FUBP3: variants seen among roughly 807,000 people sequenced by gnomAD.
The protein encoded by FUBP3 is far upstream element binding protein 3.
In FUBP3, 28 loss-of-function variants were observed where a neutral mutation model predicts 85.6. That is an observed-to-expected ratio of 0.33 (90% CI 0.24 to 0.45). The LOEUF (loss-of-function observed/expected upper bound fraction) is 0.45. Among genes scored for constraint, FUBP3 ranks in the 20% least tolerant of loss-of-function variants. FUBP3 has a pLI of 1.00. For missense variants in FUBP3, 583 were observed against 755.1 expected, an observed-to-expected ratio of 0.77 and a Z score of 2.67; for synonymous variants, 271 against 271.4, an observed-to-expected ratio of 1.00 and a Z score of 0.01.
Position 130,616,653 on chromosome 9 carries a change from T to A in FUBP3, c.567+136T>A. The A allele has an allele frequency of 1.3e-6, 1 of 754,542 alleles. No homozygotes were observed. Among genetic ancestry groups the A allele is most frequent in the Non-Finnish European group, 2.2e-6 (1 of 464,464 alleles). The allele number at this position is 754,542 out of a possible 1,614,324, so 46.7% of individuals were successfully genotyped here. On this transcript the variant is annotated intron_variant, in intron 7 of 18. Transcript: ENST00000319725. The surrounding 1 kb of genome is among the most constrained non-coding windows in gnomAD (Gnocchi z 4.7). ...CAGCATTGTGCTGAGGCTTCCTTCC[T>A]CCATTTGACAGACAGCTTCTGAACA...
rs569074327 is a variant in FUBP3 at position 130,589,910 on chromosome 9, C to T, written c.85-5573C>T. Among the ~76,000 whole-genome samples, 4 of 148,508 alleles carry T rather than the reference C, an allele frequency of 2.7e-5. No homozygotes were observed. In the East Asian group the frequency reaches 7.9e-4, roughly 29 times the overall value. The stretch of plus-strand genomic sequence containing the variant: ...TGTTTTTGTTTTTGTAGAGATAAAG[C>T]CTCACTATGTTGCCCAGGCTGATGT... On this transcript the variant is annotated intron_variant, in intron 1 of 18. Coordinates refer to ENST00000319725, the MANE Select transcript of FUBP3 (RefSeq NM_003934.2).
chr9:130,602,108 A>G (rs2119043721), intron 2 of FUBP3, among the ~76,000 whole-genome samples: 1 of 152,104 alleles, frequency 6.6e-6, no homozygotes, highest in East Asian at 1.9e-4. Context: ...CCAATTCCTA[A>G]TTTTTAAATT....
At chr9:130,632,092 G>C in intron 15 of FUBP3, 70 bp downstream of exon 15, 1 of 1,478,160 alleles carries the variant, frequency 6.8e-7, no homozygotes, top group Non-Finnish European at 9.5e-7. Flanking sequence ...TTGCCGACAG[G>C]CAAGGGTCCG....
chr9:130,636,268 T>C (rs1437897341), intron 18 of FUBP3, 142 bp downstream of exon 18: 1 of 852,468 alleles, frequency 1.2e-6, no homozygotes, highest in South Asian at 1.4e-5. Flanking sequence ...CGAGGCTGCT[T>C]CTGCTGAGAG....
intron 2 of FUBP3, among the ~76,000 whole-genome samples, chr9:130,599,721 C>A (rs1831057089): frequency 6.6e-6 from 1 of 152,214 alleles, no homozygotes; most frequent in South Asian, 2.1e-4. Context: ...TGGCACCCCA[C>A]CAGTTCAGGA....
At chr9:130,597,718 G>T (rs956297501) in intron 2 of FUBP3, among the ~76,000 whole-genome samples, 2 of 152,200 alleles carry the variant, frequency 1.3e-5, no homozygotes, top group Non-Finnish European at 2.9e-5. Context: ...TCTACACGTG[G>T]AGAACAGCTT....
intron 2 of FUBP3, among the ~76,000 whole-genome samples, chr9:130,608,602 GT>G (rs1381030674): frequency 2.0e-5 from 3 of 152,138 alleles, no homozygotes; most frequent in Non-Finnish European, 2.9e-5. Context: ...AAGAATGTTT[GT>G]TATATTCAAA....
At chr9:130,592,595 G>T (rs1020830062) in intron 1 of FUBP3, among the ~76,000 whole-genome samples, 1 of 152,052 alleles carries the variant, frequency 6.6e-6, no homozygotes, top group Non-Finnish European at 1.5e-5. Flanking sequence ...CTTCCAGCTG[G>T]AGTTCAGTGG....
chr9:130,615,770 C>A (rs934527250), intron 6 of FUBP3, among the ~76,000 whole-genome samples: 3 of 152,224 alleles, frequency 2.0e-5, no homozygotes, highest in Non-Finnish European at 4.4e-5. Context: ...ACCGCCTCCC[C>A]CTTTCCCACC....
At chr9:130,621,321 C>T (rs1483157737) in intron 9 of FUBP3, among the ~76,000 whole-genome samples, 1 of 150,678 alleles carries the variant, frequency 6.6e-6, no homozygotes, top group Non-Finnish European at 1.5e-5. Flanking sequence ...CCACCTCTAC[C>T]AAAACAAAAA....
Position 130,620,649 on chromosome 9 carries a change from C to T in FUBP3, c.771+191C>T, listed in dbSNP as rs933432217. ...CAGCCTGCAGTGAGGGAGCTGGCTACACTTCAGGGCGTGGGGCCATTTCCC... is the reference window on the plus strand; with the variant it reads ...CAGCCTGCAGTGAGGGAGCTGGCTATACTTCAGGGCGTGGGGCCATTTCCC... On this transcript the variant is annotated intron_variant, in intron 9 of 18. Coordinates refer to ENST00000319725, the MANE Select transcript of FUBP3 (RefSeq NM_003934.2). Among the ~76,000 whole-genome samples, 5 of 152,162 alleles carry T rather than the reference C, an allele frequency of 3.3e-5. No homozygotes were observed. The East Asian group carries it at 9.6e-4, about 29-fold the overall frequency.
At chr9:130,594,934 T>C (rs1048303630) in intron 1 of FUBP3, among the ~76,000 whole-genome samples, 16 of 149,378 alleles carry the variant, frequency 1.1e-4, no homozygotes, top group Admixed American at 2.0e-4. Flanking sequence ...GACTTAAAAA[T>C]ACTAATTTGC....
chr9:130,614,150 G>A, intron 5 of FUBP3, 138 bp from the exon 6 acceptor site: 1 of 572,006 alleles, frequency 1.7e-6, no homozygotes, highest in South Asian at 2.7e-5. Flanking sequence ...TCCACAAGTG[G>A]AAGCAAACTG....
chr9:130,636,134 G>A lies in FUBP3; in HGVS notation c.1710+8G>A. ...GCGCAGGCCCACAGCCAGGTCTGTA[G>A]CTGATCACCAGCACCGCTGCCACTC... On this transcript the variant is annotated splice_region_variant and intron_variant, in intron 18 of 18. Transcript: ENST00000319725. 3.1e-6 allele frequency: 5 copies of A among 1,612,532 alleles called. No individual in the cohort carries two copies. The highest frequency in any genetic ancestry group is 4.2e-6 in the Non-Finnish European group (5 of 1,179,432).
chr9:130,592,517 C>T (rs1588119927), intron 1 of FUBP3, among the ~76,000 whole-genome samples: 1 of 152,106 alleles, frequency 6.6e-6, no homozygotes, highest in Admixed American at 6.6e-5. Context: ...ATCTTGTCTC[C>T]TAGCAGTCAA....
At chr9:130,586,420 G>A (rs1391694202) in intron 1 of FUBP3, among the ~76,000 whole-genome samples, 1 of 151,984 alleles carries the variant, frequency 6.6e-6, no homozygotes, top group Non-Finnish European at 1.5e-5. Context: ...TTTGTAAATT[G>A]AGACAGGATC....
Position 130,579,639 on chromosome 9 carries a change from TCGGCGGCGTCGGCGGCGGCGGCGACGG to T in FUBP3, c.-35_-9del. 8.6e-6 allele frequency: 10 copies of T among 1,159,744 alleles called. No homozygotes were observed. The highest frequency in any genetic ancestry group is 1.1e-5 in the Non-Finnish European group (10 of 921,376). 71.8% of individuals were successfully genotyped at this position (1,159,744 alleles called of 1,614,324 possible). On this transcript the variant is annotated 5_prime_UTR_variant, in exon 1 of 19. Coordinates refer to ENST00000319725, the MANE Select transcript of FUBP3 (RefSeq NM_003934.2). The stretch of plus-strand genomic sequence containing the variant: ...CGGACCGGGGAGCCGAGCGGCGGCG[TCGGCGGCGTCGGCGGCGGCGGCGACGG>T]CGGCGGGGGCGGTAATGGCGGAGCT...
chr9:130,630,514 AGTGCCGAC>A, intron 12 of FUBP3, 106 bp from the exon 13 acceptor site: 3 of 736,350 alleles, frequency 4.1e-6, no homozygotes, highest in Non-Finnish European at 6.3e-6. Context: ...TGTCAGGGCA[AGTGCCGAC>A]GTGCACAAAA....
chr9:130,585,306 G>A (rs1327897587), intron 1 of FUBP3, among the ~76,000 whole-genome samples: 4 of 152,108 alleles, frequency 2.6e-5, no homozygotes, highest in Non-Finnish European at 5.9e-5. Context: ...CTTCATTCCC[G>A]CCATCTTGCT....
Sources: allele counts gnomAD v4.1 joint callset (sites outside exome capture counted in the v4.1 genomes callset), GRCh38; gene constraint gnomAD v4.1.1; non-coding constraint Gnocchi (gnomAD v3.1); transcripts MANE v1.5; gene names NCBI Gene and HGNC (gene_info 2026-07-23, HGNC 2026-07-21).